The following ENTPD5 variants were observed in gnomAD, a reference collection of about 807,000 sequenced individuals.
The protein encoded by ENTPD5 is ectonucleoside triphosphate diphosphohydrolase 5 (inactive).
A neutral mutation model predicts 60.2 loss-of-function variants in ENTPD5; 49 were observed. The ratio of observed to expected loss-of-function variants is 0.81; its 90% confidence interval spans 0.65 to 1.03. ENTPD5 has a LOEUF of 1.03. Ranked by LOEUF, ENTPD5 falls within the 50% of genes least tolerant of loss-of-function variation. The pLI is 0.00. For synonymous variants in ENTPD5, 187 were observed against 185.4 expected (o/e 1.01, Z -0.07); for missense variants, 480 against 507.6 (o/e 0.95, Z 0.52).
At chr14:73,973,768 C>G (rs1391004159) in intron 12 of ENTPD5, 109 bp downstream of exon 12, 4 of 877,806 alleles carry the variant, frequency 4.6e-6, no homozygotes. Flanking sequence ...TGGAATAAGT[C>G]CCTGCAACAA....
chr14:73,990,670 T>G (rs1372545356), intron 3 of ENTPD5, among the ~76,000 whole-genome samples: 4 of 151,706 alleles, frequency 2.6e-5, no homozygotes, highest in Non-Finnish European at 4.4e-5. Context: ...ATGTATAGGG[T>G]TTTTTTCCAT....
At chr14:73,999,101 T>C (rs1004665840) in intron 3 of ENTPD5, among the ~76,000 whole-genome samples, 8 of 151,120 alleles carry the variant, frequency 5.3e-5, no homozygotes, top group Non-Finnish European at 1.0e-4. Flanking sequence ...AAAGTAAAGG[T>C]GAGGAAAACA....
At chr14:73,995,029 C>T (rs1429846245) in intron 3 of ENTPD5, among the ~76,000 whole-genome samples, 1 of 149,156 alleles carries the variant, frequency 6.7e-6, no homozygotes, top group Non-Finnish European at 1.5e-5. Flanking sequence ...ACTATGTGAA[C>T]TATACATAGC....
intron 3 of ENTPD5, among the ~76,000 whole-genome samples, chr14:73,989,424 G>A (rs1368071750): frequency 6.7e-6 from 1 of 148,830 alleles, no homozygotes; most frequent in African/African-American, 2.4e-5. Flanking sequence ...TAGGCCGGGC[G>A]CGGTGGCTCA....
chr14:73,983,121 T>C lies in ENTPD5; in HGVS notation c.338A>G (p.Asp113Gly). ...TVQGLLEVAKDSIPRSHWKKT... is the reference protein window; with the variant it reads ...TVQGLLEVAKGSIPRSHWKKT... ...TTTCCAGTGACTTCGGGGGATTGAGTCTTTGGCCACCTCTAAGAGCCCTTG... is the reference window on the plus strand; with the variant it reads ...TTTCCAGTGACTTCGGGGGATTGAGCCTTTGGCCACCTCTAAGAGCCCTTG... The change falls in exon 6 of 16, where the codon GAC becomes GGC. Residue 113 changes from aspartate (D) to glycine (G), a missense_variant. Physicochemically the swap from Asp to Gly is moderately conservative, Grantham distance 94. Transcript: ENST00000334696. The C allele has an allele frequency of 6.2e-7, 1 of 1,614,094 alleles. No individual in the cohort carries two copies. The highest frequency in any genetic ancestry group is 1.1e-5 in the South Asian group (1 of 91,066).
chr14:73,986,020 C>T (rs957477557), intron 5 of ENTPD5, among the ~76,000 whole-genome samples: 7 of 147,478 alleles, frequency 4.7e-5, no homozygotes, highest in Non-Finnish European at 8.9e-5. Flanking sequence ...TGTAGTAAGC[C>T]GAGATCAGGC....
chr14:73,981,386 C>T (rs1316881242), intron 6 of ENTPD5, among the ~76,000 whole-genome samples: 1 of 151,784 alleles, frequency 6.6e-6, no homozygotes, highest in African/African-American at 2.4e-5. Context: ...ATAATCCCAA[C>T]TACTCTGGAG....
intron 6 of ENTPD5, among the ~76,000 whole-genome samples, chr14:73,978,880 G>A (rs1000896187): frequency 1.3e-5 from 2 of 151,636 alleles, no homozygotes; most frequent in Admixed American, 1.3e-4. Context: ...ATTGCACTCC[G>A]TCCTGGGCAA....
rs567381261 is a variant in ENTPD5 at position 73,977,583 on chromosome 14, CCTTTGA to C, written c.442-215_442-210del. On this transcript the variant is annotated intron_variant, in intron 6 of 15. Transcript: ENST00000334696. ...TTGCAAAAACACAAACACAGAGATT[CCTTTGA>C]CTTTAAGTAAAGCTAAACCAAACCA... 8.4e-4 allele frequency among the ~76,000 whole-genome samples: 128 copies of C among 152,240 alleles called. 4 individuals are homozygous for C. In the South Asian group the frequency reaches 0.025, roughly 29 times the overall value.
At chr14:73,981,014 G>A (rs138334250) in intron 6 of ENTPD5, among the ~76,000 whole-genome samples, 3 of 152,116 alleles carry the variant, frequency 2.0e-5, no homozygotes, top group East Asian at 1.9e-4. Context: ...CAGGAGAATC[G>A]CTTGAATCTG....
At chr14:73,993,089 C>T (rs1160871784) in intron 3 of ENTPD5, among the ~76,000 whole-genome samples, 1 of 152,142 alleles carries the variant, frequency 6.6e-6, no homozygotes, top group Non-Finnish European at 1.5e-5. Context: ...GTAATCCCGG[C>T]AGTTCGACAG....
At position 73,965,707 on chromosome 14, in the gene ENTPD5, C is replaced by T. The variant is rs1265640656; in HGVS notation, c.*1221G>A. The T allele has an allele frequency of 6.6e-6, 1 of 151,532 alleles. No individual in the cohort carries two copies. Among genetic ancestry groups the T allele is most frequent in the East Asian group, 1.9e-4 (1 of 5,134 alleles). The allele number at this position is 151,532 out of a possible 1,614,324, so 9.4% of individuals were successfully genotyped here. On this transcript the variant is annotated 3_prime_UTR_variant, in exon 16 of 16. Transcript: ENST00000334696. Reference sequence around the variant, plus strand: ...CTCCACTCTAGCCTGAGCAACAGAGCAAGACTCCATCTCAAAAAAAAGTGC... The same window carrying T: ...CTCCACTCTAGCCTGAGCAACAGAGTAAGACTCCATCTCAAAAAAAAGTGC...
At position 73,977,267 on chromosome 14, in the gene ENTPD5, C is replaced by A. The variant is rs750757287; in HGVS notation, c.517+32G>T. On this transcript the variant is annotated intron_variant, in intron 7 of 15. Transcript: ENST00000334696. Reference sequence around the variant, plus strand: ...GATCTTTCACTGATCCTGCCCCTCTCCCCCTGGAACGCATATCAACACCTC... The same window carrying A: ...GATCTTTCACTGATCCTGCCCCTCTACCCCTGGAACGCATATCAACACCTC... 3.9e-6 allele frequency: 6 copies of A among 1,546,910 alleles called. No homozygotes were observed. The African/African-American group carries it at 4.1e-5, about 11-fold the overall frequency.
chr14:73,992,529 C>CA (rs1566746407), intron 3 of ENTPD5, among the ~76,000 whole-genome samples: 2 of 149,072 alleles, frequency 1.3e-5, no homozygotes, highest in South Asian at 2.1e-4. Flanking sequence ...TATTAAAATA[C>CA]AAAAAAAAAT....
At chr14:73,992,917 C>A (rs12885276) in intron 3 of ENTPD5, among the ~76,000 whole-genome samples, 1 of 150,638 alleles carries the variant, frequency 6.6e-6, no homozygotes, top group Non-Finnish European at 1.5e-5. Context: ...GTACGAGAAT[C>A]GCTTGAACCT....
At chr14:73,976,184 G>A (rs1594861565) in intron 9 of ENTPD5, 140 bp downstream of exon 9, 2 of 831,538 alleles carry the variant, frequency 2.4e-6, no homozygotes, top group East Asian at 5.0e-5. Context: ...GATGGCAAGG[G>A]AACATTCACC....
chr14:74,005,830 CAAAT>C (rs932085628), intron 3 of ENTPD5, among the ~76,000 whole-genome samples: 4 of 151,812 alleles, frequency 2.6e-5, no homozygotes, highest in African/African-American at 9.7e-5. Context: ...AAAAACAAAA[CAAAT>C]AAACAAACAA....
At chr14:73,980,567 A>AT (rs563519144) in intron 6 of ENTPD5, among the ~76,000 whole-genome samples, 8 of 151,754 alleles carry the variant, frequency 5.3e-5, no homozygotes, top group South Asian at 2.1e-4. Flanking sequence ...CCGGGACTTA[A>AT]TTTTTTTTGT....
chr14:73,983,179 C>T lies in ENTPD5; in HGVS notation c.298-18G>A, dbSNP rs367999852. Reference sequence around the variant, plus strand: ...TCAGCACCCTTCAAAAGAGATAACCCGTTCATCTGATGAACGATCCATTTA... The same window carrying T: ...TCAGCACCCTTCAAAAGAGATAACCTGTTCATCTGATGAACGATCCATTTA... On this transcript the variant is annotated intron_variant, in intron 5 of 15. Transcript: ENST00000334696. 398 of 1,600,202 alleles carry T rather than the reference C, an allele frequency of 2.5e-4. No homozygotes were observed. Among genetic ancestry groups the T allele is most frequent in the Non-Finnish European group, 3.3e-4 (383 of 1,172,362 alleles).
Sources: gnomAD v4.1 joint callset for allele counts (sites outside exome capture counted in the v4.1 genomes callset) on GRCh38, gnomAD v4.1.1 for gene constraint, MANE v1.5 for transcripts, NCBI Gene and HGNC (gene_info 2026-07-23, HGNC 2026-07-21) for gene names.